SHC4: variants seen among roughly 807,000 people sequenced by gnomAD.
SHC4 encodes SHC-transforming protein 4.
SHC4 carries 41 observed loss-of-function variants against 69.4 expected under a neutral mutation model. The observed-to-expected ratio is 0.59, with a 90% confidence interval of 0.46 to 0.77. The LOEUF (loss-of-function observed/expected upper bound fraction) is 0.77, where lower values mean the gene tolerates loss of function less well. Ranked by LOEUF, SHC4 falls within the 30% of genes least tolerant of loss-of-function variation. The pLI is 0.00. For synonymous variants in SHC4, 318 were observed against 299.3 expected (o/e 1.06, Z -0.64); for missense variants, 777 against 783.8 (o/e 0.99, Z 0.10).
chr15:48,826,154 G>A, intron 11 of SHC4, 28 bp from the exon 12 acceptor site: 1 of 1,589,088 alleles, frequency 6.3e-7, no homozygotes, highest in Non-Finnish European at 8.6e-7. Context: ...AATATATTTA[G>A]GTTAAATTAT....
intron 5 of SHC4, among the ~76,000 whole-genome samples, chr15:48,870,658 CA>C (rs1899653368): frequency 6.7e-6 from 1 of 148,770 alleles, no homozygotes; most frequent in Non-Finnish European, 1.5e-5. Context: ...GCCTGAGTGA[CA>C]AGAGTGAGAC....
At chr15:48,905,181 T>C (rs939165572) in intron 2 of SHC4, among the ~76,000 whole-genome samples, 6 of 152,222 alleles carry the variant, frequency 3.9e-5, no homozygotes, top group Non-Finnish European at 8.8e-5. Context: ...GATCCAGGCC[T>C]GAGAAGCCTA....
At chr15:48,891,916 G>A (rs889715315) in intron 2 of SHC4, among the ~76,000 whole-genome samples, 1 of 152,008 alleles carries the variant, frequency 6.6e-6, no homozygotes, top group Non-Finnish European at 1.5e-5. Context: ...GTGCAGTGGC[G>A]CGATCTCAGC....
intron 1 of SHC4, among the ~76,000 whole-genome samples, chr15:48,939,082 A>G (rs1171395479): frequency 1.3e-5 from 2 of 152,230 alleles, no homozygotes; most frequent in East Asian, 3.8e-4. Flanking sequence ...CAAAGGTCTC[A>G]GCATATGTTC....
At chr15:48,880,519 G>A (rs1056134620) in intron 4 of SHC4, among the ~76,000 whole-genome samples, 1 of 151,830 alleles carries the variant, frequency 6.6e-6, no homozygotes, top group African/African-American at 2.4e-5. Flanking sequence ...ATCTTTACTA[G>A]GAAAGATAAA....
intron 4 of SHC4, among the ~76,000 whole-genome samples, chr15:48,881,190 C>T (rs1370509244): frequency 3.3e-5 from 5 of 152,070 alleles, no homozygotes; most frequent in African/African-American, 1.2e-4. Flanking sequence ...TGTTGACTGT[C>T]TTCAGGCCAC....
In SHC4 at chr15:48,880,997, T is replaced by A. The variant is rs1047161567; in HGVS notation, c.840+3251A>T. Among the ~76,000 whole-genome samples the A allele has an allele frequency of 1.4e-4, 19 of 140,584 alleles. No individual in the cohort carries two copies. The South Asian group carries it at 1.7e-3, about 12-fold the overall frequency. The allele number at this position is 140,584 out of a possible 152,430, so 92.2% of individuals were successfully genotyped here. A position where few individuals can be genotyped will look rare whatever the true frequency, so the allele number is the denominator to read the frequency against. ...TGATGTGTGTGAGAGTGTGTGTGTG[T>A]GTGTGTGTGTGTGTGTGTGTGTGTG... is the stretch of plus-strand genomic sequence containing the variant. On this transcript the variant is annotated intron_variant, in intron 4 of 11. Transcript: ENST00000332408.
intron 2 of SHC4, among the ~76,000 whole-genome samples, chr15:48,901,520 ATT>A (rs1900317564): frequency 5.3e-5 from 8 of 152,228 alleles, no homozygotes; most frequent in Admixed American, 4.6e-4. Flanking sequence ...ATGGAAACAA[ATT>A]ATTTTTTCCT....
intron 4 of SHC4, among the ~76,000 whole-genome samples, chr15:48,874,571 G>A (rs1899757530): frequency 6.6e-6 from 1 of 152,172 alleles, no homozygotes; most frequent in South Asian, 2.1e-4. Flanking sequence ...CACATACGAG[G>A]GATCTAGGTT....
chr15:48,954,425 C>T (rs1301277887), intron 1 of SHC4, among the ~76,000 whole-genome samples: 1 of 152,168 alleles, frequency 6.6e-6, no homozygotes, highest in African/African-American at 2.4e-5. Context: ...TCCAGTAAGT[C>T]CAAGCTAGAG....
chr15:48,954,312 C>G (rs1023567655), intron 1 of SHC4, among the ~76,000 whole-genome samples: 3 of 152,206 alleles, frequency 2.0e-5, no homozygotes, highest in Non-Finnish European at 2.9e-5. Flanking sequence ...AACCATTGCT[C>G]TGACTGGACT....
chr15:48,907,187 C>T (rs556679709), intron 2 of SHC4, among the ~76,000 whole-genome samples: 12 of 151,308 alleles, frequency 7.9e-5, no homozygotes, highest in Middle Eastern at 3.4e-3. Context: ...CCAATGATAA[C>T]GGTCATGGTG....
chr15:48,876,125 CA>C (rs1899793807), intron 4 of SHC4, among the ~76,000 whole-genome samples: 1 of 152,074 alleles, frequency 6.6e-6, no homozygotes, highest in Admixed American at 6.5e-5. Context: ...GAATGGGTCA[CA>C]AAAAAACTTG....
At chr15:48,954,755 A>AT (rs758868567) in intron 1 of SHC4, among the ~76,000 whole-genome samples, 22 of 152,188 alleles carry the variant, frequency 1.4e-4, no homozygotes, top group Non-Finnish European at 2.8e-4. Context: ...AGTTTAGTCT[A>AT]TCCTGAGTTT....
chr15:48,853,607 A>G (rs1899257358), intron 8 of SHC4, among the ~76,000 whole-genome samples: 1 of 152,248 alleles, frequency 6.6e-6, no homozygotes, highest in Non-Finnish European at 1.5e-5. Context: ...GGCTACAGTA[A>G]CCAAAACAGC....
intron 4 of SHC4, chr15:48,878,352 A>C: frequency 6.2e-7 from 1 of 1,612,716 alleles, no homozygotes; most frequent in South Asian, 1.1e-5. Flanking sequence ...GGCCCAATGG[A>C]GGAGGAGGAG....
intron 9 of SHC4, among the ~76,000 whole-genome samples, chr15:48,847,520 A>C (rs1399470051): frequency 6.6e-6 from 1 of 152,210 alleles, no homozygotes; most frequent in African/African-American, 2.4e-5. Context: ...AATACACTGG[A>C]ATTCAAGTTT....
chr15:48,829,248 T>C (rs753205612), intron 11 of SHC4, among the ~76,000 whole-genome samples: 1 of 152,196 alleles, frequency 6.6e-6, no homozygotes, highest in Non-Finnish European at 1.5e-5. Flanking sequence ...GTATGTTAGA[T>C]CCACTTGGTC....
At chr15:48,954,759 T>C (rs746250697) in intron 1 of SHC4, among the ~76,000 whole-genome samples, 4 of 152,210 alleles carry the variant, frequency 2.6e-5, no homozygotes, top group Non-Finnish European at 5.9e-5. Flanking sequence ...TAGTCTATCC[T>C]GAGTTTTCGG....
Sources: allele counts gnomAD v4.1 joint callset (sites outside exome capture counted in the v4.1 genomes callset), GRCh38; gene constraint gnomAD v4.1.1; transcripts MANE v1.5; gene names NCBI Gene and HGNC (gene_info 2026-07-23, HGNC 2026-07-21).